The following RGSL1 variants were observed in gnomAD, a reference collection of about 807,000 sequenced individuals.
RGSL1 encodes regulator of G protein signaling protein-like.
A neutral mutation model predicts 124.7 loss-of-function variants in RGSL1; 97 were observed. That is an observed-to-expected ratio of 0.78 (90% confidence interval 0.66 to 0.92). RGSL1 has a LOEUF of 0.92. Ranked by LOEUF, RGSL1 falls within the 40% of genes least tolerant of loss-of-function variation. RGSL1 has a pLI of 0.00. For missense variants in RGSL1, 1,233 were observed against 1,288.4 expected (o/e 0.96, Z 0.66); for synonymous variants, 424 against 438.1 (o/e 0.97, Z 0.40).
At position 182,527,662 on chromosome 1, in the gene RGSL1, T is replaced by G; in HGVS notation, c.2015T>G (p.Leu672Trp). 6.4e-7 allele frequency: 1 copy of G among 1,551,626 alleles called. No individual in the cohort carries two copies. Among genetic ancestry groups the G allele is most frequent in the Non-Finnish European group, 8.7e-7 (1 of 1,146,810 alleles). The change falls in exon 11 of 22, where the codon TTG becomes TGG. Residue 672 changes from leucine to tryptophan, a missense_variant. By Grantham distance (61) the Leu-to-Trp change is moderately conservative (BLOSUM62 -2). Transcript: ENST00000294854. ...AAGGAACGGAAGGCTAAAATCCCAT[T>G]GCAATTTCTCACAGCTGTACAGAAG... ...FLKERKAKIP[L>W]QFLTAVQKIS...
chr1:182,546,716 T>C (rs1660234909), intron 15 of RGSL1, among the ~76,000 whole-genome samples: 1 of 152,224 alleles, frequency 6.6e-6, no homozygotes, highest in African/African-American at 2.4e-5. Flanking sequence ...AAAAGCTACT[T>C]GCCTTCATTA....
intron 9 of RGSL1, among the ~76,000 whole-genome samples, chr1:182,509,864 C>T (rs372155730): frequency 3.1e-3 from 391 of 124,754 alleles, no homozygotes; most frequent in Middle Eastern, 9.0e-3. Flanking sequence ...CGGGCGGAGA[C>T]GCTCCTCACT....
In RGSL1 at chr1:182,540,244, C is replaced by T. The variant is rs549220529; in HGVS notation, c.2495-3C>T. ...TTGTAATTCCTTCTTCTTTCTCTCT[C>T]AGATTTCACCACAGCACACAACACA... On this transcript the variant is annotated splice_polypyrimidine_tract_variant and splice_region_variant and intron_variant, in intron 14 of 21. Transcript: ENST00000294854. The T allele has an allele frequency of 1.3e-6, 2 of 1,534,056 alleles. No homozygotes were observed. The highest frequency in any genetic ancestry group is 2.5e-5 in the South Asian group (2 of 80,764).
intron 17 of RGSL1, chr1:182,550,487 C>G (rs1349886859): frequency 6.6e-6 from 1 of 152,116 alleles, no homozygotes; most frequent in Non-Finnish European, 1.5e-5. Flanking sequence ...GGATCCAATC[C>G]AAGGACTGGT....
chr1:182,519,430 A>C (rs1658161203), intron 9 of RGSL1, among the ~76,000 whole-genome samples: 1 of 152,090 alleles, frequency 6.6e-6, no homozygotes, highest in South Asian at 2.1e-4. Context: ...TCCTTAGTTC[A>C]ATTTGAGGAG....
intron 14 of RGSL1, among the ~76,000 whole-genome samples, chr1:182,533,358 T>C (rs1465036792): frequency 6.6e-6 from 1 of 150,850 alleles, no homozygotes; most frequent in Non-Finnish European, 1.5e-5. Context: ...AGTACACATA[T>C]ATCTGCCTTG....
At chr1:182,538,213 C>A (rs1442202783) in intron 14 of RGSL1, among the ~76,000 whole-genome samples, 2 of 152,146 alleles carry the variant, frequency 1.3e-5, no homozygotes, top group African/African-American at 4.8e-5. Flanking sequence ...CTATCTTGGA[C>A]AAAAGTGGAC....
At chr1:182,509,678 C>A (rs1271705579) in intron 9 of RGSL1, among the ~76,000 whole-genome samples, 1 of 139,178 alleles carries the variant, frequency 7.2e-6, no homozygotes, top group Non-Finnish European at 1.6e-5. Flanking sequence ...CTGAACCCCC[C>A]ACCTCCCTCC....
chr1:182,545,246 A>C (rs61804875), intron 15 of RGSL1, among the ~76,000 whole-genome samples: 21,961 of 152,210 alleles, frequency 0.14, 2,015 homozygotes, highest in Middle Eastern at 0.25. Flanking sequence ...CTTATCTTAC[A>C]TCACAAAGAA....
chr1:182,519,774 C>G (rs147146842), intron 9 of RGSL1, among the ~76,000 whole-genome samples: 1 of 151,946 alleles, frequency 6.6e-6, no homozygotes, highest in Admixed American at 6.6e-5. Context: ...GTGTTTCAGT[C>G]TGGATATGTC....
intron 15 of RGSL1, among the ~76,000 whole-genome samples, chr1:182,540,637 C>T (rs901909609): frequency 6.6e-6 from 1 of 152,114 alleles, no homozygotes; most frequent in Non-Finnish European, 1.5e-5. Context: ...TCCAGAAATT[C>T]CACTGTTAAA....
At chr1:182,450,114 G>A, upstream of RGSL1, 1 of 1,547,874 alleles carries the variant, frequency 6.5e-7, no homozygotes, top group Non-Finnish European at 8.7e-7. Flanking sequence ...TCTATTGACT[G>A]GGGGGTAATT....
chr1:182,529,910 T>C lies in RGSL1; in HGVS notation c.2126-334T>C, dbSNP rs78246644. Among the ~76,000 whole-genome samples, 286 of 152,304 alleles carry C rather than the reference T, an allele frequency of 1.9e-3. 3 individuals carry two copies. In the East Asian group the frequency reaches 0.027, roughly 14 times the overall value. ...CCCCGTCTGCCCAGCAATTTAACTA[T>C]AATCCTTTACCCTTCTGCTGTCTCT... On this transcript the variant is annotated intron_variant, in intron 11 of 21. Coordinates refer to ENST00000294854, the MANE Select transcript of RGSL1 (RefSeq NM_001137669.2).
intron 9 of RGSL1, among the ~76,000 whole-genome samples, chr1:182,497,471 A>G (rs1305698146): frequency 1.3e-5 from 2 of 151,630 alleles, no homozygotes; most frequent in South Asian, 2.1e-4. Context: ...TAACTTATAG[A>G]AAAAAAAGTA....
chr1:182,504,336 G>A (rs1558325942), intron 9 of RGSL1, among the ~76,000 whole-genome samples: 1 of 151,938 alleles, frequency 6.6e-6, no homozygotes, highest in Non-Finnish European at 1.5e-5. Flanking sequence ...CCGGGTTTTT[G>A]TAACTTTCTT....
At chr1:182,460,997 C>T (rs1652786528) in intron 4 of RGSL1, among the ~76,000 whole-genome samples, 1 of 152,166 alleles carries the variant, frequency 6.6e-6, no homozygotes, top group Non-Finnish European at 1.5e-5. Flanking sequence ...CCGATTGCTA[C>T]TTCTGATCAC....
In RGSL1 at chr1:182,530,893, T is replaced by G. The variant is rs374158128; in HGVS notation, c.2347T>G (p.Tyr783Asp). The G allele has an allele frequency of 2.5e-5, 38 of 1,548,584 alleles. No individual in the cohort carries two copies. Among genetic ancestry groups the G allele is most frequent in the Non-Finnish European group, 3.2e-5 (37 of 1,145,678 alleles). Residue 783 changes from tyrosine to aspartate, a missense_variant, in exon 13 of 22, where the codon TAC (tyrosine) becomes GAC (aspartate). Transcript: ENST00000294854. ...SRKPSKIVSTYLQESQKKGWM... is the reference protein window; with the variant it reads ...SRKPSKIVSTDLQESQKKGWM... ...GAAGCCCTCAAAGATAGTGTCAACT[T>G]ACCTACAGGAATCCCAGGTTAGTGA...
At chr1:182,547,189 G>A (rs2102317889) in intron 15 of RGSL1, among the ~76,000 whole-genome samples, 1 of 152,316 alleles carries the variant, frequency 6.6e-6, no homozygotes, top group South Asian at 2.1e-4. Flanking sequence ...AAACTAATGA[G>A]GATGGCAGAA....
At chr1:182,559,553 C>A (rs906740792) in intron 21 of RGSL1, among the ~76,000 whole-genome samples, 1 of 152,208 alleles carries the variant, frequency 6.6e-6, no homozygotes, top group African/African-American at 2.4e-5. Flanking sequence ...ACACACTCTG[C>A]TTCATCCCAC....
Sources: gnomAD v4.1 joint callset for allele counts (sites outside exome capture counted in the v4.1 genomes callset) on GRCh38, gnomAD v4.1.1 for gene constraint, MANE v1.5 for transcripts, NCBI Gene and HGNC (gene_info 2026-07-23, HGNC 2026-07-21) for gene names.